UBASH3B: variants seen among roughly 807,000 people sequenced by gnomAD.
UBASH3B encodes ubiquitin associated and SH3 domain containing B.
UBASH3B carries 37 observed loss-of-function variants against 83.4 expected under a neutral mutation model. The observed-to-expected ratio is 0.44, with a 90% CI of 0.34 to 0.58. The LOEUF (loss-of-function observed/expected upper bound fraction) is 0.58. UBASH3B is among the 20% of genes least tolerant of loss of function. The probability of loss-of-function intolerance (pLI) is 0.01; values close to 1 mark genes in which losing one functional copy is unlikely to be tolerated. For missense variants in UBASH3B, 657 were observed against 827.2 expected (o/e 0.79, Z 2.52); for synonymous variants, 304 against 318.3 (o/e 0.96, Z 0.48).
intron 1 of UBASH3B, among the ~76,000 whole-genome samples, chr11:122,690,922 C>A (rs1863887800): frequency 6.6e-6 from 1 of 152,106 alleles, no homozygotes; most frequent in Non-Finnish European, 1.5e-5. Context: ...GATCACTGGG[C>A]CCGATCTTCT....
rs115098130 is a variant in UBASH3B, at chr11:122,752,873, A to G, written c.162-23346A>G. The stretch of plus-strand genomic sequence containing the variant: ...ATATTTTCATGTGATTCATACAAAC[A>G]ACCAACCTTTGAGGATAGTATTATT... On this transcript the variant is annotated intron_variant, in intron 1 of 13. Transcript: ENST00000284273. Among the ~76,000 whole-genome samples, 1,356 of 152,190 alleles carry G rather than the reference A, an allele frequency of 8.9e-3. 19 individuals carry two copies. The highest frequency in any genetic ancestry group is 0.03 in the African/African-American group (1,239 of 41,506).
At chr11:122,708,448 C>T (rs1330353277) in intron 1 of UBASH3B, among the ~76,000 whole-genome samples, 3 of 151,978 alleles carry the variant, frequency 2.0e-5, no homozygotes, top group Non-Finnish European at 4.4e-5. Context: ...TGTACCACCA[C>T]ACCCAGCTAA....
chr11:122,690,178 A>ATATATATATATATATATATCCAAT (rs1863866107), intron 1 of UBASH3B, among the ~76,000 whole-genome samples: 1 of 29,680 alleles, frequency 3.4e-5, no homozygotes, highest in African/African-American at 9.0e-5. Context: ...ATATATATAT[A>ATATATATATATATATATATCCAAT]TATATATATA....
At chr11:122,790,915 C>T (rs951539533) in intron 6 of UBASH3B, among the ~76,000 whole-genome samples, 2 of 151,194 alleles carry the variant, frequency 1.3e-5, no homozygotes, top group African/African-American at 2.4e-5. Context: ...CACGCAACTG[C>T]ACTCCAGCCT....
At chr11:122,668,565 C>T (rs1254260030) in intron 1 of UBASH3B, among the ~76,000 whole-genome samples, 2 of 152,018 alleles carry the variant, frequency 1.3e-5, no homozygotes, top group Non-Finnish European at 2.9e-5. Flanking sequence ...TCTCAGTCAC[C>T]CATCCATGAG....
At chr11:122,793,074 AG>A (rs1861088259) in intron 6 of UBASH3B, among the ~76,000 whole-genome samples, 1 of 152,186 alleles carries the variant, frequency 6.6e-6, no homozygotes, top group Non-Finnish European at 1.5e-5. Context: ...GAATATAAAA[AG>A]GTATTTTCAA....
At chr11:122,712,903 T>TC (rs1864215761) in intron 1 of UBASH3B, among the ~76,000 whole-genome samples, 1 of 89,636 alleles carries the variant, frequency 1.1e-5, no homozygotes, top group Non-Finnish European at 2.4e-5. Context: ...GTGGTTTTTT[T>TC]TTTTTTTTTT....
At chr11:122,808,274 G>T in intron 13 of UBASH3B, 98 bp downstream of exon 13, 1 of 953,924 alleles carries the variant, frequency 1.0e-6, no homozygotes, top group Non-Finnish European at 1.7e-6. Context: ...ATGTGTTTAT[G>T]CTGAGCTGGG....
At chr11:122,671,624 C>T (rs1473142944) in intron 1 of UBASH3B, among the ~76,000 whole-genome samples, 1 of 152,268 alleles carries the variant, frequency 6.6e-6, no homozygotes, top group Non-Finnish European at 1.5e-5. Flanking sequence ...TCACTTTATC[C>T]ATCAGGCCTT....
chr11:122,709,012 T>C (rs1351124787), intron 1 of UBASH3B, among the ~76,000 whole-genome samples: 2 of 152,192 alleles, frequency 1.3e-5, no homozygotes, highest in East Asian at 3.9e-4. Flanking sequence ...TTTGGGAGGC[T>C]GAGGCTGGCA....
Position 122,745,748 on chromosome 11 carries a change from C to T in UBASH3B, c.162-30471C>T, listed in dbSNP as rs1017366099. ...ACCTTGTGACTTCTTGGGTCCCTTC[C>T]CCCATTGCACCCGCTGTTCCGTCAC... On this transcript the variant is annotated intron_variant, in intron 1 of 13. Transcript: ENST00000284273. 2.0e-5 allele frequency among the ~76,000 whole-genome samples: 3 copies of T among 152,202 alleles called. No homozygotes were observed. The South Asian group carries it at 6.2e-4, about 31-fold the overall frequency.
At chr11:122,714,894 T>C (rs1200947355) in intron 1 of UBASH3B, among the ~76,000 whole-genome samples, 1 of 152,226 alleles carries the variant, frequency 6.6e-6, no homozygotes. Context: ...GCAATTTTAG[T>C]ACCCATGTCA....
rs138010397 is a variant in UBASH3B, at chr11:122,757,480, C to T, written c.162-18739C>T. On this transcript the variant is annotated intron_variant, in intron 1 of 13. Coordinates refer to ENST00000284273, the MANE Select transcript of UBASH3B (RefSeq NM_032873.5). ...GCCACCCCAGTCTATGGCACTTTGT[C>T]GTAGAAGCACAAATGAATGAAGACA... 1.5e-3 allele frequency among the ~76,000 whole-genome samples: 228 copies of T among 152,210 alleles called. 1 individual carries two copies. Among genetic ancestry groups the T allele is most frequent in the Admixed American group, 0.012 (176 of 15,294 alleles).
In UBASH3B at chr11:122,678,681, T is replaced by C. The variant is rs569301289; in HGVS notation, c.161+22471T>C. Among the ~76,000 whole-genome samples the C allele has an allele frequency of 3.3e-5, 5 of 151,842 alleles. No homozygotes were observed. The South Asian group carries it at 8.3e-4, about 25-fold the overall frequency. Reference sequence around the variant, plus strand: ...TTGTGCTCCACAAAATAGTCAGTCATGGGGAGGGGCTGCCATTCCCAAAAT... The same window carrying C: ...TTGTGCTCCACAAAATAGTCAGTCACGGGGAGGGGCTGCCATTCCCAAAAT... On this transcript the variant is annotated intron_variant, in intron 1 of 13. Transcript: ENST00000284273.
In UBASH3B at chr11:122,776,060, T is replaced by C. The variant is rs1591808309; in HGVS notation, c.162-159T>C. The C allele has an allele frequency of 2.0e-5, 12 of 595,074 alleles. No homozygotes were observed. The East Asian group carries it at 3.8e-4, about 19-fold the overall frequency. 36.9% of individuals were successfully genotyped at this position (595,074 alleles called of 1,614,324 possible). ...GTCCTAACTTCCATATGTCTTGATA[T>C]GACCCTTGGGGGAAAACCTGCTGCA... On this transcript the variant is annotated intron_variant, in intron 1 of 13. Coordinates refer to ENST00000284273, the MANE Select transcript of UBASH3B (RefSeq NM_032873.5).
At chr11:122,703,362 G>C (rs1310345237) in intron 1 of UBASH3B, among the ~76,000 whole-genome samples, 2 of 152,072 alleles carry the variant, frequency 1.3e-5, no homozygotes, top group Non-Finnish European at 2.9e-5. Flanking sequence ...AGGAGGCGGA[G>C]GTTGCAGTGG....
At chr11:122,725,550 G>C (rs145170559) in intron 1 of UBASH3B, among the ~76,000 whole-genome samples, 23 of 52,672 alleles carry the variant, frequency 4.4e-4, no homozygotes, top group African/African-American at 2.0e-3. Context: ...TCGTTCTGTA[G>C]GTGCAGTAGC....
rs568912747 is a variant in UBASH3B at position 122,768,470 on chromosome 11, A to ATGTGTGTGTGTG, written c.162-7721_162-7710dup. 7.9e-3 allele frequency among the ~76,000 whole-genome samples: 1,107 copies of ATGTGTGTGTGTG among 140,066 alleles called. 20 individuals carry two copies. Among genetic ancestry groups the ATGTGTGTGTGTG allele is most frequent in the Admixed American group, 0.027 (375 of 13,846 alleles). The allele number at this position is 140,066 out of a possible 152,430, so 91.9% of individuals were successfully genotyped here. A position where few individuals can be genotyped will look rare whatever the true frequency, so the allele number is the denominator to read the frequency against. ...AAGAAAAAGATAGAGATATATATGTATGTGTGTGTGTGTGTGTGTGTGTGT... is the reference window on the plus strand; with the variant it reads ...AAGAAAAAGATAGAGATATATATGTATGTGTGTGTGTGTGTGTGTGTGTGTGTGTGTGTGTGT... On this transcript the variant is annotated intron_variant, in intron 1 of 13. Coordinates refer to ENST00000284273, the MANE Select transcript of UBASH3B (RefSeq NM_032873.5).
At chr11:122,703,600 G>A (rs1296845076) in intron 1 of UBASH3B, among the ~76,000 whole-genome samples, 3 of 152,210 alleles carry the variant, frequency 2.0e-5, no homozygotes, top group Non-Finnish European at 4.4e-5. Flanking sequence ...TTTAGATCAT[G>A]TCTGAAATAG....
Sources: allele counts gnomAD v4.1 joint callset (sites outside exome capture counted in the v4.1 genomes callset), GRCh38; gene constraint gnomAD v4.1.1; transcripts MANE v1.5; gene names NCBI Gene and HGNC (gene_info 2026-07-23, HGNC 2026-07-21).